The following TMEM67 variants were observed in gnomAD, a reference collection of about 807,000 sequenced individuals.
TMEM67 encodes the protein transmembrane protein 67.
Under a neutral mutation model 136.6 loss-of-function variants are expected in TMEM67, and 124 were observed. That is an observed-to-expected ratio of 0.91 (90% CI 0.78 to 1.05). The LOEUF (loss-of-function observed/expected upper bound fraction) is 1.05, where lower values mean the gene tolerates loss of function less well. TMEM67 is among the 50% of genes least tolerant of loss of function. The probability of loss-of-function intolerance (pLI) is 0.00; values close to 1 mark genes in which losing one functional copy is unlikely to be tolerated. For missense variants in TMEM67, 1,107 were observed against 1,178.4 expected (o/e 0.94, Z 0.89); for synonymous variants, 364 against 390.5 (o/e 0.93, Z 0.80).
intron 23 of TMEM67, among the ~76,000 whole-genome samples, chr8:93,808,507 A>ATTTTAT (rs1808546357): frequency 2.9e-4 from 3 of 10,394 alleles, no homozygotes; most frequent in Non-Finnish European, 3.9e-4. Context: ...ATTATAGATG[A>ATTTTAT]ATATATATAT....
At chr8:93,772,521 TC>T in intron 6 of TMEM67, 67 bp from the exon 7 acceptor site, 1 of 1,107,768 alleles carries the variant, frequency 9.0e-7, no homozygotes. Flanking sequence ...GTGAGACATT[TC>T]CCATTCAACA....
intron 23 of TMEM67, among the ~76,000 whole-genome samples, chr8:93,808,505 T>TC (rs71277440): frequency 3.2e-3 from 409 of 126,804 alleles, no homozygotes; most frequent in Middle Eastern, 8.6e-3. Flanking sequence ...CTATTATAGA[T>TC]GAATATATAT....
chr8:93,820,781 AG>A (rs1022634330), downstream of TMEM67, among the ~76,000 whole-genome samples: 10 of 152,222 alleles, frequency 6.6e-5, no homozygotes, highest in Non-Finnish European at 1.2e-4. Flanking sequence ...ATTAATATTT[AG>A]TGCAGAAAGA....
chr8:93,810,154 T>C (rs1808645867), intron 26 of TMEM67, among the ~76,000 whole-genome samples: 1 of 150,550 alleles, frequency 6.6e-6, no homozygotes, highest in Non-Finnish European at 1.5e-5. Context: ...GTATTTTTAG[T>C]AGAGACGGGT....
At chr8:93,769,784 G>C (rs1813252766) in intron 6 of TMEM67, among the ~76,000 whole-genome samples, 1 of 152,132 alleles carries the variant, frequency 6.6e-6, no homozygotes, top group African/African-American at 2.4e-5. Flanking sequence ...CAGAATACAT[G>C]TTTATTAGTT....
chr8:93,766,669 A>G (rs1813096470), intron 6 of TMEM67, among the ~76,000 whole-genome samples: 1 of 152,124 alleles, frequency 6.6e-6, no homozygotes, highest in Non-Finnish European at 1.5e-5. Flanking sequence ...TGTTAATATC[A>G]TTATTGTTAA....
At chr8:93,819,184 C>T (rs1809002288), downstream of TMEM67, 1 of 442,614 alleles carries the variant, frequency 2.3e-6, no homozygotes, top group South Asian at 1.7e-5. Context: ...AAAATATCTG[C>T]CCCAAAATAT....
chr8:93,820,191 G>C (rs1809021613), downstream of TMEM67, among the ~76,000 whole-genome samples: 1 of 151,670 alleles, frequency 6.6e-6, no homozygotes, highest in African/African-American at 2.4e-5. Context: ...TTTCCCCCAT[G>C]GCTGTGCATG....
In TMEM67 at chr8:93,755,089, G is replaced by A; in HGVS notation, c.175G>A (p.Ala59Thr). The A allele has an allele frequency of 6.2e-7, 1 of 1,614,128 alleles. No individual in the cohort carries two copies. The highest frequency in any genetic ancestry group is 8.5e-7 in the Non-Finnish European group (1 of 1,180,024). ...CDNNQYFDIS[A>T]LSCVPCGANQ... The stretch of plus-strand genomic sequence containing the variant: ...CAACAACCAGTACTTTGATATCTCC[G>A]CCCTCTCGTGTGTTCCTTGTGGAGC... Residue 59 changes from alanine (A) to threonine (T), a missense_variant, in exon 1 of 28, where the codon GCC becomes ACC. Physicochemically the swap from Ala to Thr is moderately conservative, Grantham distance 58 (BLOSUM62 0). Around this residue, in one of 3 missense-constraint regions of TMEM67, gnomAD observed 178 missense variants for 159.2 expected, o/e 1.12. Coordinates refer to ENST00000453321, the MANE Select transcript of TMEM67 (RefSeq NM_153704.6).
At chr8:93,795,164 TTAGA>T in intron 16 of TMEM67, 1 of 562,892 alleles carries the variant, frequency 1.8e-6, no homozygotes. Flanking sequence ...TTCAATTTTC[TTAGA>T]TAGTGAAAGA....
chr8:93,829,190 C>T, the TMEM67 span, among the ~76,000 whole-genome samples: 1 of 152,126 alleles, frequency 6.6e-6, no homozygotes, highest in African/African-American at 2.4e-5. Context: ...GTACACCTGT[C>T]GGTCGCACTT....
Position 93,768,318 on chromosome 8 carries a change from A to G in TMEM67, c.651+2672A>G, listed in dbSNP as rs78740881. ...TATGACTATTTCTGTGTCTGTGTAT[A>G]TATATTAAAAGGGCTGGGCGTGGTG... On this transcript the variant is annotated intron_variant, in intron 6 of 27. Coordinates refer to ENST00000453321, the MANE Select transcript of TMEM67 (RefSeq NM_153704.6). 3.9e-5 allele frequency among the ~76,000 whole-genome samples: 6 copies of G among 152,164 alleles called. No homozygotes were observed. The East Asian group carries it at 7.8e-4, about 20-fold the overall frequency.
intron 21 of TMEM67, 130 bp downstream of exon 21, chr8:93,799,888 T>C: frequency 1.4e-6 from 1 of 704,180 alleles, no homozygotes; most frequent in Non-Finnish European, 2.4e-6. Flanking sequence ...ACAAGAACAA[T>C]AGCTAATGGT....
chr8:93,760,105 A>T, intron 3 of TMEM67: 1 of 663,754 alleles, frequency 1.5e-6, no homozygotes, highest in East Asian at 4.2e-5. Flanking sequence ...CAGTCTGTAT[A>T]TTTTAAAGGA....
At chr8:93,815,183 A>G in intron 26 of TMEM67, 122 bp from the exon 27 acceptor site, 1 of 630,778 alleles carries the variant, frequency 1.6e-6, no homozygotes. Context: ...GCCATGAAGT[A>G]TTGTATACAG....
At chr8:93,757,584 C>T (rs1423258124) in intron 2 of TMEM67, among the ~76,000 whole-genome samples, 1 of 150,288 alleles carries the variant, frequency 6.7e-6, no homozygotes, top group Non-Finnish European at 1.5e-5. Flanking sequence ...TGCAGTGAGC[C>T]GAGATTGTGC....
At chr8:93,760,970 G>A (rs185869943) in intron 3 of TMEM67, among the ~76,000 whole-genome samples, 75 of 152,184 alleles carry the variant, frequency 4.9e-4, no homozygotes, top group Admixed American at 8.5e-4. Flanking sequence ...GAAAATGTAC[G>A]TTAAAGCTAA....
rs1042494104 is a variant in TMEM67 at position 93,814,330 on chromosome 8, G to A, written c.2765-975G>A. 7.9e-5 allele frequency among the ~76,000 whole-genome samples: 12 copies of A among 151,214 alleles called. No individual in the cohort carries two copies. In the East Asian group the frequency reaches 9.7e-4, roughly 12 times the overall value. ...AATTTTTTGTATTTTTAGTGGAGAC[G>A]GGGTTTCACCGTGTTAGCCAGGATA... On this transcript the variant is annotated intron_variant, in intron 26 of 27. Coordinates refer to ENST00000453321, the MANE Select transcript of TMEM67 (RefSeq NM_153704.6).
In TMEM67 at chr8:93,758,544, G is replaced by A; in HGVS notation, c.374G>A (p.Gly125Glu). The change falls in exon 3 of 28, where the codon GGA becomes GAA. Residue 125 changes from glycine (G) to glutamate (E), a missense_variant. Physicochemically the swap from Gly to Glu is moderately conservative, Grantham distance 98 (BLOSUM62 -2). Coordinates refer to ENST00000453321, the MANE Select transcript of TMEM67 (RefSeq NM_153704.6). ...ISCPSDLTAE[G>E]KCHCPIGHIL... ...TGCCCTAGTGACTTAACTGCCGAAG[G>A]AAAATGTCACTGTCCCATTGGCCAT... 1 of 1,613,980 alleles carries A rather than the reference G, an allele frequency of 6.2e-7. No homozygotes were observed. Among genetic ancestry groups the A allele is most frequent in the African/African-American group, 1.3e-5 (1 of 75,046 alleles).
Sources: allele counts gnomAD v4.1 joint callset (sites outside exome capture counted in the v4.1 genomes callset), GRCh38; gene constraint gnomAD v4.1.1; regional missense constraint gnomAD v4.1.1; transcripts MANE v1.5; gene names NCBI Gene and HGNC (gene_info 2026-07-23, HGNC 2026-07-21).